EYS: variants seen among roughly 807,000 people sequenced by gnomAD.
EYS encodes EGF-like photoreceptor maintenance factor, also known as protein eyes shut homolog.
EYS carries 250 observed loss-of-function variants against 282.1 expected under a neutral mutation model. The ratio of observed to expected loss-of-function variants is 0.89; its 90% confidence interval spans 0.80 to 0.98. The LOEUF (loss-of-function observed/expected upper bound fraction) is 0.98. Ranked by LOEUF, EYS falls within the 50% of genes least tolerant of loss-of-function variation. The probability of loss-of-function intolerance (pLI) is 0.00; values close to 1 mark genes in which losing one functional copy is unlikely to be tolerated. For missense variants in EYS, 4,016 were observed against 3,709.0 expected (o/e 1.08, Z -2.15); for synonymous variants, 1,355 against 1,282.9 (o/e 1.06, Z -1.20).
At chr6:64,772,048 T>C (rs895398639) in intron 22 of EYS, among the ~76,000 whole-genome samples, 2 of 151,776 alleles carry the variant, frequency 1.3e-5, no homozygotes, top group Admixed American at 6.6e-5. Context: ...TAGTAGTTTT[T>C]CACATGGAAT....
intron 5 of EYS, among the ~76,000 whole-genome samples, chr6:65,456,900 A>G (rs1764639202): frequency 6.6e-6 from 1 of 152,218 alleles, no homozygotes; most frequent in South Asian, 2.1e-4. Flanking sequence ...ATGATCTTAT[A>G]TAGAGAAATT....
chr6:64,790,745 C>T (rs1028747330), intron 22 of EYS, among the ~76,000 whole-genome samples: 4 of 151,828 alleles, frequency 2.6e-5, no homozygotes, highest in Non-Finnish European at 4.4e-5. Flanking sequence ...TAAGGTTTAA[C>T]TTACAAAAGT....
In EYS at chr6:64,896,288, C is replaced by G. The variant is rs929838838; in HGVS notation, c.2846+5825G>C. Reference sequence around the variant, plus strand: ...GTGGGTACAGCCCACGGAGGGCAAGCAGATGCAGGGTGGGGCACTGCCTCA... The same window carrying G: ...GTGGGTACAGCCCACGGAGGGCAAGGAGATGCAGGGTGGGGCACTGCCTCA... On this transcript the variant is annotated intron_variant, in intron 18 of 42. Coordinates refer to ENST00000503581, the MANE Select transcript of EYS (RefSeq NM_001142800.2). Among the ~76,000 whole-genome samples the G allele has an allele frequency of 3.3e-5, 5 of 152,176 alleles. No homozygotes were observed. The South Asian group carries it at 1.0e-3, about 32-fold the overall frequency.
At chr6:65,702,222 T>C (rs1191683167) in intron 1 of EYS, among the ~76,000 whole-genome samples, 1 of 152,236 alleles carries the variant, frequency 6.6e-6, no homozygotes, top group Non-Finnish European at 1.5e-5. Flanking sequence ...TCTCATTACA[T>C]TTTATTTGTA....
chr6:64,012,479 C>T (rs1768683648), intron 33 of EYS, among the ~76,000 whole-genome samples: 1 of 152,120 alleles, frequency 6.6e-6, no homozygotes, highest in Non-Finnish European at 1.5e-5. Context: ...GGAATCTGAT[C>T]CCTACAAAGA....
chr6:65,193,015 C>T (rs533784341), intron 12 of EYS, among the ~76,000 whole-genome samples: 1 of 151,860 alleles, frequency 6.6e-6, no homozygotes, highest in Non-Finnish European at 1.5e-5. Flanking sequence ...AAAATCCTTT[C>T]ATTTGCAACA....
intron 35 of EYS, among the ~76,000 whole-genome samples, chr6:63,938,967 C>T (rs537700184): frequency 6.6e-6 from 1 of 152,214 alleles, no homozygotes; most frequent in Non-Finnish European, 1.5e-5. Flanking sequence ...CAAGACTTAG[C>T]AAGAAACACA....
intron 2 of EYS, among the ~76,000 whole-genome samples, chr6:65,617,125 C>A (rs926954705): frequency 6.6e-6 from 1 of 151,996 alleles, no homozygotes; most frequent in Non-Finnish European, 1.5e-5. Flanking sequence ...ATTTAATGTG[C>A]TTGTTTCTGC....
intron 31 of EYS, among the ~76,000 whole-genome samples, chr6:64,168,332 T>A (rs1187758785): frequency 1.3e-5 from 2 of 152,184 alleles, no homozygotes; most frequent in African/African-American, 4.8e-5. Flanking sequence ...GTGGGAAAAC[T>A]TGTTACATTT....
chr6:64,534,983 T>C (rs1764474121), intron 26 of EYS, among the ~76,000 whole-genome samples: 1 of 152,068 alleles, frequency 6.6e-6, no homozygotes, highest in Admixed American at 6.6e-5. Context: ...TGAATCTCCT[T>C]TTTGGGTGTA....
intron 11 of EYS, among the ~76,000 whole-genome samples, chr6:65,325,879 C>T (rs1182718817): frequency 6.6e-6 from 1 of 151,978 alleles, no homozygotes; most frequent in African/African-American, 2.4e-5. Context: ...TGTAAGAGGC[C>T]TCCTATTAAT....
chr6:64,511,480 A>G (rs927945657), intron 26 of EYS, among the ~76,000 whole-genome samples: 4 of 152,034 alleles, frequency 2.6e-5, no homozygotes, highest in South Asian at 2.1e-4. Context: ...TGAGGCTTCA[A>G]TTTAATGCAT....
At chr6:63,960,533 G>A (rs959717760) in intron 35 of EYS, among the ~76,000 whole-genome samples, 3 of 152,154 alleles carry the variant, frequency 2.0e-5, no homozygotes, top group Non-Finnish European at 2.9e-5. Flanking sequence ...CAATTAATGG[G>A]TTAAATGCTA....
chr6:64,828,239 A>G (rs1370157694), intron 19 of EYS, among the ~76,000 whole-genome samples: 1 of 151,968 alleles, frequency 6.6e-6, no homozygotes, highest in Non-Finnish European at 1.5e-5. Context: ...AAGAAAACAG[A>G]AAAGAGCTTC....
chr6:64,410,110 GAT>G (rs1773840065), intron 28 of EYS, among the ~76,000 whole-genome samples: 1 of 151,974 alleles, frequency 6.6e-6, no homozygotes, highest in South Asian at 2.1e-4. Context: ...TGTTAGTGCA[GAT>G]AAAAAAAGAG....
At chr6:64,858,478 C>T (rs76351632) in intron 19 of EYS, among the ~76,000 whole-genome samples, 8,827 of 151,934 alleles carry the variant, frequency 0.058, 267 homozygotes, top group East Asian at 0.1. Flanking sequence ...TATGCTAGTA[C>T]CATGCTGTTT....
At chr6:63,748,581 A>G (rs1769267640) in intron 41 of EYS, among the ~76,000 whole-genome samples, 1 of 152,052 alleles carries the variant, frequency 6.6e-6, no homozygotes, top group South Asian at 2.1e-4. Flanking sequence ...TTCTTTGTAC[A>G]TCTGGTAGAA....
chr6:65,649,426 AAAAG>A lies in EYS; in HGVS notation c.-447-9538_-447-9535del, dbSNP rs568880460. ...ATGTGCATTTGTAATAACTGAAACT[AAAAG>A]AAGCTGATTACTAAGAATATAATGA... On this transcript the variant is annotated intron_variant, in intron 1 of 42. Coordinates refer to ENST00000503581, the MANE Select transcript of EYS (RefSeq NM_001142800.2). Among the ~76,000 whole-genome samples, 21 of 152,228 alleles carry A rather than the reference AAAAG, an allele frequency of 1.4e-4. No homozygotes were observed. The South Asian group carries it at 3.9e-3, about 29-fold the overall frequency.
At position 64,483,823 on chromosome 6, in the gene EYS, A is replaced by T. The variant is rs537614271; in HGVS notation, c.5645-44471T>A. On this transcript the variant is annotated intron_variant, in intron 26 of 42. Transcript: ENST00000503581. ...TCACTACTTATCTATGATTTATTTT[A>T]TTTCAGACTTTAATAGGGAAGGGAG... is the stretch of plus-strand genomic sequence containing the variant. 7.3e-5 allele frequency among the ~76,000 whole-genome samples: 11 copies of T among 151,708 alleles called. No homozygotes were observed. In the South Asian group the frequency reaches 2.3e-3, roughly 31 times the overall value.
Sources: gnomAD v4.1 joint callset for allele counts (sites outside exome capture counted in the v4.1 genomes callset) on GRCh38, gnomAD v4.1.1 for gene constraint, MANE v1.5 for transcripts, NCBI Gene and HGNC (gene_info 2026-07-23, HGNC 2026-07-21) for gene names.